The following SCMH1 variants were observed in gnomAD, a reference collection of about 807,000 sequenced individuals.
SCMH1 encodes Scm polycomb group protein homolog 1.
Under a neutral mutation model 70.8 loss-of-function variants are expected in SCMH1, and 37 were observed. The observed-to-expected ratio is 0.52, with a 90% CI of 0.40 to 0.69. SCMH1 has a LOEUF of 0.69. Ranked by LOEUF, SCMH1 falls within the 30% of genes least tolerant of loss-of-function variation. The pLI, the probability that SCMH1 is intolerant of heterozygous loss-of-function variation, is 0.00. For missense variants in SCMH1, 607 were observed against 827.3 expected (o/e 0.73, Z 3.27); for synonymous variants, 292 against 307.4 (o/e 0.95, Z 0.52).
At chr1:41,136,864 A>G (rs1643433354) in intron 6 of SCMH1, among the ~76,000 whole-genome samples, 2 of 150,848 alleles carry the variant, frequency 1.3e-5, no homozygotes, top group Admixed American at 6.6e-5. Context: ...TGTAACCTCA[A>G]ACTCCTGGGT....
chr1:41,165,674 T>C (rs879273232), intron 2 of SCMH1, among the ~76,000 whole-genome samples: 24 of 152,236 alleles, frequency 1.6e-4, no homozygotes, highest in African/African-American at 4.1e-4. Flanking sequence ...CTGTGGCCCA[T>C]TTATATGTTT....
Position 41,159,635 on chromosome 1 carries a change from T to C in SCMH1, c.106+1240A>G, listed in dbSNP as rs1323907251. 6 of 1,361,118 alleles carry C rather than the reference T, an allele frequency of 4.4e-6. No homozygotes were observed. In the African/African-American group the frequency reaches 6.0e-5, roughly 14 times the overall value. The allele number at this position is 1,361,118 out of a possible 1,614,324, so 84.3% of individuals were successfully genotyped here. A position where few individuals can be genotyped will look rare whatever the true frequency, so the allele number is the denominator to read the frequency against. On this transcript the variant is annotated intron_variant, in intron 4 of 14. Coordinates refer to ENST00000337495, the Ensembl canonical transcript of SCMH1. ...CTGACTCCTATGTCCATGTTTTTTC[T>C]ACCACACATCAGTACCTTAAAAAGC...
intron 1 of SCMH1, among the ~76,000 whole-genome samples, chr1:41,206,420 T>C (rs533859646): frequency 1.3e-5 from 2 of 152,208 alleles, no homozygotes; most frequent in Non-Finnish European, 2.9e-5. Context: ...AGTAGCCGAT[T>C]TGACCAAGTG....
At chr1:41,161,532 C>A in intron 2 of SCMH1, 100 bp from the exon 3 acceptor site, 2 of 1,302,714 alleles carry the variant, frequency 1.5e-6, no homozygotes, top group Non-Finnish European at 2.0e-6. Context: ...TAAAGTAATC[C>A]ACTTCCGAGA....
At chr1:41,034,092 T>C in intron 13 of SCMH1, 44 bp from the exon 14 acceptor site, 1 of 1,572,482 alleles carries the variant, frequency 6.4e-7, no homozygotes, top group Non-Finnish European at 8.6e-7. Flanking sequence ...AGTTTGCACA[T>C]GAGGAACATT....
chr1:41,075,471 T>C lies in SCMH1; in HGVS notation c.746-20A>G. ...TCACAACTGCAAGAAAAAGACTCATTCTATCACCCTCCCTCCCCCCTGCAT... is the reference window on the plus strand; with the variant it reads ...TCACAACTGCAAGAAAAAGACTCATCCTATCACCCTCCCTCCCCCCTGCAT... On this transcript the variant is annotated intron_variant, in intron 8 of 14. Coordinates refer to ENST00000337495, the Ensembl canonical transcript of SCMH1. The C allele has an allele frequency of 6.3e-7, 1 of 1,587,972 alleles. No homozygotes were observed. The highest frequency in any genetic ancestry group is 8.6e-7 in the Non-Finnish European group (1 of 1,156,708).
chr1:41,117,996 G>C (rs1383053490), intron 6 of SCMH1, among the ~76,000 whole-genome samples: 2 of 152,074 alleles, frequency 1.3e-5, no homozygotes, highest in African/African-American at 4.8e-5. Context: ...TTCGTCTTGT[G>C]TCTTTATTTC....
At chr1:41,096,596 T>C (rs1665139025) in intron 8 of SCMH1, among the ~76,000 whole-genome samples, 1 of 152,184 alleles carries the variant, frequency 6.6e-6, no homozygotes, top group South Asian at 2.1e-4. Context: ...GCAGGGTAGA[T>C]TGGAGAGGAA....
intron 1 of SCMH1, among the ~76,000 whole-genome samples, chr1:41,199,068 C>A (rs1653692315): frequency 6.6e-6 from 1 of 152,190 alleles, no homozygotes; most frequent in African/African-American, 2.4e-5. Context: ...AGGCTAGGAT[C>A]ATTCTGTTAA....
chr1:41,187,854 G>A (rs1229527521), intron 1 of SCMH1, among the ~76,000 whole-genome samples: 3 of 151,752 alleles, frequency 2.0e-5, no homozygotes. Context: ...GTGTGGTGGT[G>A]TGTGCACCTA....
chr1:41,223,530 A>G (rs1659688805), intron 1 of SCMH1, among the ~76,000 whole-genome samples: 1 of 151,944 alleles, frequency 6.6e-6, no homozygotes, highest in Non-Finnish European at 1.5e-5. Context: ...TTTTTAAGGA[A>G]AATTATCCCT....
At chr1:41,128,502 C>T (rs1281745578) in intron 6 of SCMH1, among the ~76,000 whole-genome samples, 1 of 152,142 alleles carries the variant, frequency 6.6e-6, no homozygotes, top group African/African-American at 2.4e-5. Flanking sequence ...CTGGCTTGCA[C>T]TGTTTCTGAC....
At chr1:41,129,382 A>G (rs1303314172) in intron 6 of SCMH1, among the ~76,000 whole-genome samples, 3 of 152,116 alleles carry the variant, frequency 2.0e-5, no homozygotes, top group Non-Finnish European at 4.4e-5. Context: ...GCTCCTGGCA[A>G]CTACTATTGT....
intron 8 of SCMH1, among the ~76,000 whole-genome samples, chr1:41,082,540 T>C (rs1660340289): frequency 6.6e-6 from 1 of 152,142 alleles, no homozygotes; most frequent in Admixed American, 6.5e-5. Context: ...CCACCAGGCC[T>C]GTCCTAAAAG....
Position 41,193,528 on chromosome 1 carries a change from G to C in SCMH1, c.-117-7278C>G, listed in dbSNP as rs941648322. On this transcript the variant is annotated intron_variant, in intron 1 of 14. Transcript: ENST00000337495. ...ATGATTAACTTTGCCAGGGGTTGGG[G>C]GGGGGTTGAGGAAAGCTTCATGGAG... Among the ~76,000 whole-genome samples, 15 of 152,112 alleles carry C rather than the reference G, an allele frequency of 9.9e-5. 1 individual carries two copies. Among genetic ancestry groups the C allele is most frequent in the African/African-American group, 2.4e-5 (1 of 41,422 alleles).
chr1:41,103,433 C>T (rs944420883), intron 8 of SCMH1, among the ~76,000 whole-genome samples: 24 of 152,284 alleles, frequency 1.6e-4, no homozygotes, highest in African/African-American at 4.8e-4. Flanking sequence ...TGAGCCACTG[C>T]GCCCGGCCCA....
intron 1 of SCMH1, among the ~76,000 whole-genome samples, chr1:41,206,780 G>A (rs1264871976): frequency 6.6e-6 from 1 of 152,078 alleles, no homozygotes; most frequent in Non-Finnish European, 1.5e-5. Flanking sequence ...AAATGTTAAG[G>A]ATAGCCAGAG....
intron 6 of SCMH1, among the ~76,000 whole-genome samples, chr1:41,122,266 T>C (rs1464496194): frequency 1.3e-5 from 2 of 152,166 alleles, no homozygotes; most frequent in African/African-American, 2.4e-5. Flanking sequence ...TATTCATTGG[T>C]CTTTCTGTTC....
chr1:41,234,333 A>C (rs1661888993), intron 1 of SCMH1, among the ~76,000 whole-genome samples: 1 of 152,004 alleles, frequency 6.6e-6, no homozygotes, highest in Non-Finnish European at 1.5e-5. Context: ...AGTTTTAAAA[A>C]TTATCTGGGC....
Sources: allele counts gnomAD v4.1 joint callset (sites outside exome capture counted in the v4.1 genomes callset), GRCh38; gene constraint gnomAD v4.1.1; transcripts MANE v1.5; gene names NCBI Gene and HGNC (gene_info 2026-07-23, HGNC 2026-07-21).